NCBP1: variants seen among roughly 807,000 people sequenced by gnomAD.
NCBP1 encodes nuclear cap-binding protein subunit 1.
In NCBP1, 16 loss-of-function variants were observed where a neutral mutation model predicts 111.7. The observed-to-expected ratio is 0.14, with a 90% CI of 0.10 to 0.22. The LOEUF is 0.22. Among genes scored for constraint, NCBP1 ranks in the 10% least tolerant of loss-of-function variants. NCBP1 has a pLI of 1.00. For missense variants in NCBP1, 607 were observed against 957.5 expected (o/e 0.63, Z 4.83); for synonymous variants, 304 against 314.3 (o/e 0.97, Z 0.35).
At chr9:97,655,897 A>G in intron 13 of NCBP1, 114 bp from the exon 14 acceptor site, 1 of 1,327,864 alleles carries the variant, frequency 7.5e-7, no homozygotes, top group Non-Finnish European at 1.0e-6. Flanking sequence ...TTACAAGTGC[A>G]ATTATAACTT....
rs566982379 is a variant in NCBP1 at position 97,640,677 on chromosome 9, T to G, written c.35-117T>G. ...AGAAATGGAGGGTCTGTGAAGAGCTTCTACTCTGTAAAAACATAGGGCCTG... is the reference window on the plus strand; with the variant it reads ...AGAAATGGAGGGTCTGTGAAGAGCTGCTACTCTGTAAAAACATAGGGCCTG... On this transcript the variant is annotated intron_variant, in intron 1 of 22. Transcript: ENST00000375147. 1.0e-4 allele frequency: 77 copies of G among 748,022 alleles called. No individual in the cohort carries two copies. In the Middle Eastern group the frequency reaches 2.2e-3, roughly 21 times the overall value. 46.3% of individuals were successfully genotyped at this position (748,022 alleles called of 1,614,324 possible). A position where few individuals can be genotyped will look rare whatever the true frequency, so the allele number is the denominator to read the frequency against.
intron 18 of NCBP1, among the ~76,000 whole-genome samples, chr9:97,664,127 T>TGAGA (rs1165343446): frequency 1.3e-5 from 2 of 151,966 alleles, no homozygotes; most frequent in African/African-American, 4.8e-5. Flanking sequence ...TGCAGTGAGC[T>TGAGA]GAGATCGTGC....
chr9:97,658,272 A>C (rs1431834804), intron 14 of NCBP1, among the ~76,000 whole-genome samples: 1 of 152,160 alleles, frequency 6.6e-6, no homozygotes, highest in Non-Finnish European at 1.5e-5. Context: ...ATGATTTGTA[A>C]ACACCTTCTC....
intron 6 of NCBP1, among the ~76,000 whole-genome samples, chr9:97,646,839 CAAAAAAAAAAAAA>C (rs1199961668): frequency 1.8e-5 from 1 of 55,730 alleles, no homozygotes; most frequent in Non-Finnish European, 4.5e-5. Flanking sequence ...GACTCCGTCT[CAAAAAAAAAAAAA>C]AAAAAAAAAA....
chr9:97,670,939 C>CA, intron 22 of NCBP1, 147 bp from the exon 23 acceptor site: 1 of 486,266 alleles, frequency 2.1e-6, no homozygotes, highest in Non-Finnish European at 3.7e-6. Flanking sequence ...TGGGGATTTT[C>CA]AGGGGTCCAT....
chr9:97,648,003 T>C lies in NCBP1; in HGVS notation c.682-5T>C, dbSNP rs1306592298. The C allele has an allele frequency of 6.2e-7, 1 of 1,601,802 alleles. No homozygotes were observed. Among genetic ancestry groups the C allele is most frequent in the East Asian group, 2.2e-5 (1 of 44,672 alleles). On this transcript the variant is annotated splice_region_variant and splice_polypyrimidine_tract_variant and intron_variant, in intron 7 of 22. Transcript: ENST00000375147. ...ATTAATGATTAAAAATTAATCTGTC[T>C]TTAGTATTTAGATTGCCTGTGGGCC...
Position 97,641,586 on chromosome 9 carries a change from C to G in NCBP1, c.148C>G (p.Leu50Val), listed in dbSNP as rs1827206271. 6.2e-7 allele frequency: 1 copy of G among 1,609,626 alleles called. No homozygotes were observed. Among genetic ancestry groups the G allele is most frequent in the African/African-American group, 1.3e-5 (1 of 74,766 alleles). The change falls in exon 3 of 23, where the codon CTA becomes GTA. Residue 50 changes from leucine (L) to valine (V), a missense_variant. Physicochemically the swap from Leu to Val is conservative, Grantham distance 32. Around this residue, in one of 9 missense-constraint regions of NCBP1, gnomAD observed 185 missense variants for 272.0 expected, o/e 0.68. Transcript: ENST00000375147. ...EKSACSLESN[L>V]EGLAGVLEAD... ...GAGTGCCTGCTCTTTGGAGAGCAAC[C>G]TAGAAGGCTTGGCTGGTGTTTTGGA...
At chr9:97,655,830 TAA>T in intron 13 of NCBP1, 66 bp downstream of exon 13, 1 of 1,455,042 alleles carries the variant, frequency 6.9e-7, no homozygotes. Flanking sequence ...AACTGTAACA[TAA>T]AAGTGTCTGA....
chr9:97,650,001 G>A (rs941981031), intron 8 of NCBP1, among the ~76,000 whole-genome samples: 1 of 152,054 alleles, frequency 6.6e-6, no homozygotes, highest in Non-Finnish European at 1.5e-5. Flanking sequence ...GGTTTATTTT[G>A]TGTGTTTTGA....
Position 97,664,351 on chromosome 9 carries a change from A to T in NCBP1, c.1809A>T (p.Val603=). 6.2e-7 allele frequency: 1 copy of T among 1,607,104 alleles called. No homozygotes were observed. Among genetic ancestry groups the T allele is most frequent in the South Asian group, 1.1e-5 (1 of 90,864 alleles). Residue 603 remains valine (V), a synonymous_variant, in exon 19 of 23, where the codon GTA becomes GTT. Coordinates refer to ENST00000375147, the MANE Select transcript of NCBP1 (RefSeq NM_002486.5). ...TTCTCTCATTGTAGATGATTGCTGT[A>T]CTAGTGGATAAGATGATTCGTACAC... The part of the protein sequence containing the change: ...VWRNHPQMIA[V]LVDKMIRTQI...
At chr9:97,652,684 C>T (rs1357382021) in intron 10 of NCBP1, among the ~76,000 whole-genome samples, 4 of 152,116 alleles carry the variant, frequency 2.6e-5, no homozygotes, top group Admixed American at 6.5e-5. Flanking sequence ...TATCCTCTAC[C>T]GACTGAGCTA....
intron 11 of NCBP1, 41 bp from the exon 12 acceptor site, chr9:97,654,839 G>T: frequency 6.4e-7 from 1 of 1,556,054 alleles, no homozygotes. Context: ...ACTTATTTGG[G>T]ATAAAAGTGG....
At chr9:97,649,855 T>G (rs1397572373) in intron 8 of NCBP1, among the ~76,000 whole-genome samples, 2 of 151,882 alleles carry the variant, frequency 1.3e-5, no homozygotes. Context: ...GCTAGAAGAG[T>G]ATAAATATAT....
intron 15 of NCBP1, among the ~76,000 whole-genome samples, chr9:97,659,395 C>G (rs1827765527): frequency 1.3e-5 from 2 of 152,152 alleles, no homozygotes; most frequent in African/African-American, 4.8e-5. Flanking sequence ...TCACAACTTT[C>G]TGCTGTTCTT....
At chr9:97,669,267 T>G (rs188821023) in intron 21 of NCBP1, among the ~76,000 whole-genome samples, 1 of 152,222 alleles carries the variant, frequency 6.6e-6, no homozygotes, top group Non-Finnish European at 1.5e-5. Context: ...TCATTGCTGA[T>G]CATTTTCCTT....
At chr9:97,665,583 A>C (rs1827970755) in intron 19 of NCBP1, among the ~76,000 whole-genome samples, 1 of 152,214 alleles carries the variant, frequency 6.6e-6, no homozygotes, top group Non-Finnish European at 1.5e-5. Context: ...CCCCCTCCAG[A>C]GTTAAAGTGC....
Position 97,645,633 on chromosome 9 carries a change from A to G in NCBP1, c.512A>G (p.Tyr171Cys). The change falls in exon 6 of 23, where the codon TAT becomes TGT. Residue 171 changes from tyrosine (Y) to cysteine (C), a missense_variant. Tyr to Cys is a radical substitution (Grantham distance 194). Around this residue, in one of 9 missense-constraint regions of NCBP1, gnomAD observed 185 missense variants for 272.0 expected, o/e 0.68. Coordinates refer to ENST00000375147, the MANE Select transcript of NCBP1 (RefSeq NM_002486.5). The stretch of plus-strand genomic sequence containing the variant: ...TAGGTGCGACGAGATTGGTATGTGT[A>G]TGCATTTCTGTCATCTTTGCCCTGG... ...VPQVRRDWYVYAFLSSLPWVG... is the reference protein window; with the variant it reads ...VPQVRRDWYVCAFLSSLPWVG... The G allele has an allele frequency of 3.1e-6, 5 of 1,613,988 alleles. No homozygotes were observed. Among genetic ancestry groups the G allele is most frequent in the Non-Finnish European group, 4.2e-6 (5 of 1,179,866 alleles).
intron 15 of NCBP1, 37 bp from the exon 16 acceptor site, chr9:97,660,909 G>C (rs764022309): frequency 1.9e-6 from 3 of 1,576,102 alleles, no homozygotes; most frequent in African/African-American, 1.4e-5. Context: ...CTTGAAACCT[G>C]ATCTGTCATT....
intron 6 of NCBP1, among the ~76,000 whole-genome samples, chr9:97,646,166 A>G (rs938460760): frequency 6.6e-6 from 1 of 152,192 alleles, no homozygotes; most frequent in Non-Finnish European, 1.5e-5. Context: ...TAGCACATAC[A>G]GTATATTTAG....
Sources: allele counts gnomAD v4.1 joint callset (sites outside exome capture counted in the v4.1 genomes callset), GRCh38; gene constraint gnomAD v4.1.1; regional missense constraint gnomAD v4.1.1; transcripts MANE v1.5; gene names NCBI Gene and HGNC (gene_info 2026-07-23, HGNC 2026-07-21).